ITGB6: variants seen among roughly 807,000 people sequenced by gnomAD.
ITGB6 encodes the protein integrin beta-6.
Under a neutral mutation model 84.5 loss-of-function variants are expected in ITGB6, and 80 were observed. That is an observed-to-expected ratio of 0.95 (90% CI 0.79 to 1.14). The LOEUF is 1.14. Among genes scored for constraint, ITGB6 ranks in the 50% most tolerant of loss-of-function variants. The probability of loss-of-function intolerance (pLI) is 0.00; values close to 1 mark genes in which losing one functional copy is unlikely to be tolerated. For missense variants in ITGB6, 1,006 were observed against 968.0 expected (o/e 1.04, Z -0.52); for synonymous variants, 383 against 354.9 (o/e 1.08, Z -0.89).
Position 160,181,256 on chromosome 2 carries a change from C to T in ITGB6, c.594-7117G>A, listed in dbSNP as rs1026831653. Among the ~76,000 whole-genome samples, 20 of 152,314 alleles carry T rather than the reference C, an allele frequency of 1.3e-4. No individual in the cohort carries two copies. In the South Asian group the frequency reaches 1.9e-3, roughly 14 times the overall value. ...TCCACTGGCTTGAAATTCTCGCTGCCAGCACAGCAGTCTGAAGTCGACCTG... is the reference window on the plus strand; with the variant it reads ...TCCACTGGCTTGAAATTCTCGCTGCTAGCACAGCAGTCTGAAGTCGACCTG... On this transcript the variant is annotated intron_variant, in intron 4 of 14. Coordinates refer to ENST00000283249, the MANE Select transcript of ITGB6 (RefSeq NM_000888.5).
rs73008800 is a variant in ITGB6 at position 160,108,887 on chromosome 2, G to T, written c.2102-1042C>A. ...AATAGTCCTTGCAATATGCCTAGGAGATGATACATTTCTTAATGAAACATT... is the reference window on the plus strand; with the variant it reads ...AATAGTCCTTGCAATATGCCTAGGATATGATACATTTCTTAATGAAACATT... On this transcript the variant is annotated intron_variant, in intron 13 of 14. Transcript: ENST00000283249. Among the ~76,000 whole-genome samples the T allele has an allele frequency of 8.7e-3, 1,323 of 152,260 alleles. 18 individuals are homozygous for T. Among genetic ancestry groups the T allele is most frequent in the African/African-American group, 0.03 (1,255 of 41,542 alleles).
At chr2:160,128,902 G>A (rs1683342246) in intron 10 of ITGB6, among the ~76,000 whole-genome samples, 1 of 152,108 alleles carries the variant, frequency 6.6e-6, no homozygotes, top group Non-Finnish European at 1.5e-5. Context: ...GGACATCCTA[G>A]TAGGAGGCTG....
At chr2:160,156,269 G>A (rs528839552) in intron 7 of ITGB6, among the ~76,000 whole-genome samples, 74 of 152,276 alleles carry the variant, frequency 4.9e-4, no homozygotes, top group African/African-American at 1.8e-3. Flanking sequence ...AGCCAAGGGA[G>A]GTGTAGACCC....
intron 4 of ITGB6, among the ~76,000 whole-genome samples, chr2:160,189,800 G>T (rs867860496): frequency 2.4e-4 from 37 of 152,024 alleles, no homozygotes; most frequent in African/African-American, 7.7e-4. Context: ...GTGTGGCGAT[G>T]CCTCAGGGAT....
chr2:160,106,618 T>C (rs571137875), intron 14 of ITGB6, among the ~76,000 whole-genome samples: 20 of 152,354 alleles, frequency 1.3e-4, no homozygotes, highest in Non-Finnish European at 2.5e-4. Flanking sequence ...ACATTGCATT[T>C]GGCTGTTGTA....
intron 10 of ITGB6, among the ~76,000 whole-genome samples, chr2:160,130,087 A>G (rs1435015891): frequency 6.6e-6 from 1 of 152,156 alleles, no homozygotes; most frequent in Non-Finnish European, 1.5e-5. Flanking sequence ...CTGCACACCT[A>G]GGTTATATGG....
chr2:160,120,668 T>TAAAAAAAAAAAAA (rs200095827), intron 12 of ITGB6, among the ~76,000 whole-genome samples: 1 of 16,118 alleles, frequency 6.2e-5, no homozygotes, highest in Admixed American at 9.8e-4. Context: ...AGAGTATAAT[T>TAAAAAAAAAAAAA]AAAAAAAAAA....
chr2:160,151,678 A>C (rs540398959), intron 7 of ITGB6, among the ~76,000 whole-genome samples: 1 of 152,184 alleles, frequency 6.6e-6, no homozygotes, highest in South Asian at 2.1e-4. Flanking sequence ...TGAAAAGATC[A>C]ACAAAATTGA....
intron 4 of ITGB6, among the ~76,000 whole-genome samples, chr2:160,188,410 G>C (rs1233514620): frequency 6.6e-6 from 1 of 152,022 alleles, no homozygotes; most frequent in Non-Finnish European, 1.5e-5. Context: ...ATAATCTTCA[G>C]AAAATAGGAC....
intron 12 of ITGB6, among the ~76,000 whole-genome samples, chr2:160,119,915 A>G (rs1250608267): frequency 1.3e-5 from 2 of 152,224 alleles, no homozygotes; most frequent in Non-Finnish European, 2.9e-5. Context: ...CACATGAAAA[A>G]ATGCTCATCA....
chr2:160,183,290 G>A (rs983481950), intron 4 of ITGB6, among the ~76,000 whole-genome samples: 3 of 152,068 alleles, frequency 2.0e-5, no homozygotes, highest in Admixed American at 6.5e-5. Flanking sequence ...AAGGGATGGA[G>A]GAAGATTTAT....
At chr2:160,169,130 T>C in intron 7 of ITGB6, 82 bp downstream of exon 7, 1 of 768,992 alleles carries the variant, frequency 1.3e-6, no homozygotes, top group Admixed American at 2.4e-5. Context: ...GGCCTTCCCA[T>C]GTGTTAAACT....
In ITGB6 at chr2:160,200,057, T is replaced by A. The variant is rs142866134; in HGVS notation, c.7A>T (p.Ile3Phe). 4.3e-6 allele frequency: 7 copies of A among 1,613,818 alleles called. No homozygotes were observed. In the South Asian group the frequency reaches 7.7e-5, roughly 18 times the overall value. Residue 3 changes from isoleucine to phenylalanine, a missense_variant, in exon 1 of 15, where the codon ATT becomes TTT. Transcript: ENST00000283249. ...AGAAAGAACAGGCAAAGCAGTTCAA[T>A]CCCCATTCGTTTCAGTTCTTGCTGT... MG[I>F]ELLCLFFLFL... is the part of the protein sequence containing the mutation.
At chr2:160,166,851 A>G (rs1005717358) in intron 7 of ITGB6, among the ~76,000 whole-genome samples, 4 of 152,216 alleles carry the variant, frequency 2.6e-5, no homozygotes, top group Admixed American at 2.0e-4. Flanking sequence ...CATCTCTGTT[A>G]CAACAATGTA....
chr2:160,194,183 A>C (rs1686244702), intron 4 of ITGB6, among the ~76,000 whole-genome samples: 2 of 152,026 alleles, frequency 1.3e-5, no homozygotes, highest in Non-Finnish European at 1.5e-5. Context: ...AAACACAAAA[A>C]ACAAAAATAC....
At chr2:160,195,150 C>A (rs1686282368) in intron 4 of ITGB6, among the ~76,000 whole-genome samples, 1 of 152,140 alleles carries the variant, frequency 6.6e-6, no homozygotes, top group Non-Finnish European at 1.5e-5. Flanking sequence ...TACTGGGAGG[C>A]AAATGCAGAG....
At chr2:160,144,555 C>A (rs1055321487) in intron 7 of ITGB6, among the ~76,000 whole-genome samples, 2 of 152,194 alleles carry the variant, frequency 1.3e-5, no homozygotes, top group Non-Finnish European at 2.9e-5. Context: ...CAGAGGGAAC[C>A]TTTCGCGCTT....
intron 4 of ITGB6, among the ~76,000 whole-genome samples, chr2:160,186,880 T>G (rs1685920223): frequency 6.7e-6 from 1 of 149,930 alleles, no homozygotes; most frequent in Admixed American, 6.7e-5. Context: ...AACCAAACAG[T>G]GCATGTTCTC....
At chr2:160,153,942 G>A (rs1684525238) in intron 7 of ITGB6, among the ~76,000 whole-genome samples, 1 of 152,176 alleles carries the variant, frequency 6.6e-6, no homozygotes. Context: ...AACAGATGCT[G>A]GAGAGGATGT....
Sources: allele counts gnomAD v4.1 joint callset (sites outside exome capture counted in the v4.1 genomes callset), GRCh38; gene constraint gnomAD v4.1.1; transcripts MANE v1.5; gene names NCBI Gene and HGNC (gene_info 2026-07-23, HGNC 2026-07-21).